The following EZR variants were observed in gnomAD, a reference collection of about 807,000 sequenced individuals.
The protein encoded by EZR is cytovillin 2.
Under a neutral mutation model 74.8 loss-of-function variants are expected in EZR, and 40 were observed. The ratio of observed to expected loss-of-function variants is 0.53; its 90% CI spans 0.42 to 0.70. The LOEUF (loss-of-function observed/expected upper bound fraction) is 0.70, where lower values mean the gene tolerates loss of function less well. Ranked by LOEUF, EZR falls within the 30% of genes least tolerant of loss-of-function variation. The probability of loss-of-function intolerance (pLI) is 0.00; values close to 1 mark genes in which losing one functional copy is unlikely to be tolerated. For synonymous variants in EZR, 341 were observed against 283.3 expected, an observed-to-expected ratio of 1.20 and a Z score of -2.05; for missense variants, 678 against 755.8, an observed-to-expected ratio of 0.90 and a Z score of 1.21.
chr6:158,816,541 G>A (rs1777559500), intron 2 of EZR, among the ~76,000 whole-genome samples: 1 of 152,152 alleles, frequency 6.6e-6, no homozygotes, highest in Non-Finnish European at 1.5e-5. Flanking sequence ...CTCTGCCTGA[G>A]TAAGGGGTTG....
chr6:158,811,349 CTAA>C (rs1777447513), intron 2 of EZR, among the ~76,000 whole-genome samples: 4 of 47,854 alleles, frequency 8.4e-5, no homozygotes, highest in African/African-American at 2.6e-4. Flanking sequence ...GCTGAAACAT[CTAA>C]CTACCATTAG....
At position 158,767,366 on chromosome 6, in the gene EZR, C is replaced by A; in HGVS notation, c.1491G>T (p.Thr497=). 2 of 1,607,546 alleles carry A rather than the reference C, an allele frequency of 1.2e-6. No individual in the cohort carries two copies. Among genetic ancestry groups the A allele is most frequent in the Non-Finnish European group, 1.7e-6 (2 of 1,176,350 alleles). The change falls in exon 13 of 14, where the codon ACG becomes ACT. Residue 497 remains threonine (T), a synonymous_variant. Coordinates refer to ENST00000367075, the MANE Select transcript of EZR (RefSeq NM_001111077.2). ...CACTAGACAGCTCCGCGCTGTAGCCCGTGGGCTCTGCGCCCTCATCCTGCA... is the reference window on the plus strand; with the variant it reads ...CACTAGACAGCTCCGCGCTGTAGCCAGTGGGCTCTGCGCCCTCATCCTGCA... ...ESLQDEGAEP[T]GYSAELSSEG... is the part of the protein sequence containing the mutation.
intron 2 of EZR, among the ~76,000 whole-genome samples, chr6:158,802,261 TAG>T (rs1216867910): frequency 6.6e-6 from 1 of 152,208 alleles, no homozygotes; most frequent in African/African-American, 2.4e-5. Context: ...TAGCTGTAGC[TAG>T]AGTTTCTCAG....
intron 2 of EZR, among the ~76,000 whole-genome samples, chr6:158,811,600 C>T (rs764114213): frequency 5.9e-5 from 9 of 152,180 alleles, no homozygotes; most frequent in Non-Finnish European, 1.3e-4. Context: ...GTGGCTCACA[C>T]CTATAATCTC....
intron 3 of EZR, chr6:158,788,613 C>T (rs1791646401): frequency 6.6e-6 from 1 of 150,488 alleles, no homozygotes; most frequent in Non-Finnish European, 1.5e-5. Flanking sequence ...CACCATTGCA[C>T]TCCAGCCGGG....
At position 158,789,469 on chromosome 6, in the gene EZR, C is replaced by T. The variant is rs757804755; in HGVS notation, c.13-98G>A. 39 of 1,050,944 alleles carry T rather than the reference C, an allele frequency of 3.7e-5. No individual in the cohort carries two copies. The Admixed American group carries it at 3.9e-4, about 10-fold the overall frequency. The allele number at this position is 1,050,944 out of a possible 1,614,324, so 65.1% of individuals were successfully genotyped here. ...CATAAGCTGCTCCTCAGTGTGGCGA[C>T]GGCATATGCCTGACATCAGTTCCTG... On this transcript the variant is annotated intron_variant, in intron 2 of 13. Coordinates refer to ENST00000367075, the MANE Select transcript of EZR (RefSeq NM_001111077.2).
At chr6:158,798,466 C>T (rs1218756729) in intron 2 of EZR, among the ~76,000 whole-genome samples, 3 of 152,298 alleles carry the variant, frequency 2.0e-5, no homozygotes, top group East Asian at 1.9e-4. Flanking sequence ...ACAGTAGCGG[C>T]GCTCCAATCA....
rs114738010 is a variant in EZR, at chr6:158,803,992, T to C, written c.12+14090A>G. ...AGCCCTCCCTACTGTCCACTGCATCTGGGAGGCAGAAAGGAGCTGCTTTCC... is the reference window on the plus strand; with the variant it reads ...AGCCCTCCCTACTGTCCACTGCATCCGGGAGGCAGAAAGGAGCTGCTTTCC... On this transcript the variant is annotated intron_variant, in intron 2 of 13. Coordinates refer to ENST00000367075, the MANE Select transcript of EZR (RefSeq NM_001111077.2). Among the ~76,000 whole-genome samples the C allele has an allele frequency of 7.3e-3, 1,115 of 152,198 alleles. 12 individuals carry two copies. The highest frequency in any genetic ancestry group is 0.025 in the African/African-American group (1,056 of 41,516).
At position 158,783,229 on chromosome 6, in the gene EZR, T is replaced by C. The variant is rs527792965; in HGVS notation, c.698+291A>G. On this transcript the variant is annotated intron_variant, in intron 7 of 13. Coordinates refer to ENST00000367075, the MANE Select transcript of EZR (RefSeq NM_001111077.2). ...TGCTGGTACCTGCAGGCAGCTGGGG[T>C]GGAATCTCAGAGGCAGCGGGGAGGA... Among the ~76,000 whole-genome samples, 20 of 120,186 alleles carry C rather than the reference T, an allele frequency of 1.7e-4. No individual in the cohort carries two copies. In the East Asian group the frequency reaches 2.4e-3, roughly 15 times the overall value. The allele number at this position is 120,186 out of a possible 152,430, so 78.8% of individuals were successfully genotyped here. A position where few individuals can be genotyped will look rare whatever the true frequency, so the allele number is the denominator to read the frequency against.
chr6:158,793,269 G>A (rs1180401168), intron 2 of EZR, among the ~76,000 whole-genome samples: 1 of 151,950 alleles, frequency 6.6e-6, no homozygotes, highest in Non-Finnish European at 1.5e-5. Context: ...TGATCAGGGA[G>A]TTGTTCTGGC....
At chr6:158,803,552 T>TATATATATATATATATATATATACAC (rs1777241883) in intron 2 of EZR, among the ~76,000 whole-genome samples, 1 of 4,574 alleles carries the variant, frequency 2.2e-4, no homozygotes, top group Non-Finnish European at 9.0e-4. Context: ...TATGTATATA[T>TATATATATATATATATATATATACAC]ATATATATAT....
intron 2 of EZR, among the ~76,000 whole-genome samples, chr6:158,797,410 G>A (rs1046772654): frequency 1.6e-4 from 24 of 152,234 alleles, no homozygotes; most frequent in African/African-American, 5.8e-4. Context: ...TGGATTCAGT[G>A]GTTAACAGAT....
At chr6:158,809,123 C>CT (rs1175757055) in intron 2 of EZR, among the ~76,000 whole-genome samples, 7 of 152,204 alleles carry the variant, frequency 4.6e-5, no homozygotes. Flanking sequence ...CACCTATCCT[C>CT]TTGCTTTGCT....
At chr6:158,768,936 C>A (rs1044554609) in intron 12 of EZR, among the ~76,000 whole-genome samples, 1 of 152,096 alleles carries the variant, frequency 6.6e-6, no homozygotes, top group African/African-American at 2.4e-5. Context: ...TGCAGGAGGT[C>A]GTGTTTCAGG....
chr6:158,813,373 T>C (rs1474213057), intron 2 of EZR, among the ~76,000 whole-genome samples: 1 of 152,242 alleles, frequency 6.6e-6, no homozygotes, highest in Non-Finnish European at 1.5e-5. Flanking sequence ...ACTCTGGGAT[T>C]GCTGTCTGTC....
chr6:158,787,311 G>C (rs1791610172), intron 3 of EZR, 108 bp from the exon 4 acceptor site: 2 of 804,284 alleles, frequency 2.5e-6, no homozygotes, highest in East Asian at 2.6e-5. Context: ...CAGGAAACCA[G>C]GACATCTGCT....
chr6:158,783,644 G>T lies in EZR; in HGVS notation c.574C>A (p.Leu192Met), dbSNP rs1446853422. Reference sequence around the variant, plus strand: ...ATTTCCAGGTCCTGAGCAATCTTCAGGTATTCCAACATAGCATTATCTCTA... The same window carrying T: ...ATTTCCAGGTCCTGAGCAATCTTCATGTATTCCAACATAGCATTATCTCTA... ...MLKDNAMLEYLKIAQDLEMYG... is the reference protein window; with the variant it reads ...MLKDNAMLEYMKIAQDLEMYG... The change falls in exon 7 of 14, where the codon CTG becomes ATG. Residue 192 changes from leucine to methionine, a missense_variant. This residue lies in a region of EZR where 119 missense variants were observed against 182.3 expected (regional missense o/e 0.65). Transcript: ENST00000367075. 1 of 1,613,682 alleles carries T rather than the reference G, an allele frequency of 6.2e-7. No individual in the cohort carries two copies. Among genetic ancestry groups the T allele is most frequent in the East Asian group, 2.2e-5 (1 of 44,888 alleles).
intron 2 of EZR, among the ~76,000 whole-genome samples, chr6:158,809,622 GTTCT>G (rs1203806517): frequency 6.6e-6 from 1 of 152,196 alleles, no homozygotes; most frequent in Non-Finnish European, 1.5e-5. Context: ...AACACATTCT[GTTCT>G]TTGAGAACAA....
rs1790853814 is a variant in EZR at position 158,766,523 on chromosome 6, T to C, written c.*391A>G. ...ATTAAAAAATCAATTTGAGCTCATT[T>C]CGAATACAGAACAAGTATGGCACAG... On this transcript the variant is annotated 3_prime_UTR_variant, in exon 14 of 14. Transcript: ENST00000367075. 5.2e-5 allele frequency: 9 copies of C among 173,348 alleles called. 1 individual carries two copies. In the South Asian group the frequency reaches 1.7e-3, roughly 32 times the overall value. The allele number at this position is 173,348 out of a possible 1,614,324, so 10.7% of individuals were successfully genotyped here.
Sources: gnomAD v4.1 joint callset for allele counts (sites outside exome capture counted in the v4.1 genomes callset) on GRCh38, gnomAD v4.1.1 for gene constraint, gnomAD v4.1.1 regional missense constraint, MANE v1.5 for transcripts, NCBI Gene and HGNC (gene_info 2026-07-23, HGNC 2026-07-21) for gene names.